The following ABLIM2 variants were observed in gnomAD, a reference collection of about 807,000 sequenced individuals.
ABLIM2 encodes the protein actin-binding LIM protein 2.
Under a neutral mutation model 97.7 loss-of-function variants are expected in ABLIM2, and 53 were observed. The ratio of observed to expected loss-of-function variants is 0.54; its 90% CI spans 0.44 to 0.68. The LOEUF is 0.68. Among genes scored for constraint, ABLIM2 ranks in the 30% least tolerant of loss-of-function variants. The pLI is 0.00. For synonymous variants in ABLIM2, 361 were observed against 345.8 expected, an observed-to-expected ratio of 1.04 and a Z score of -0.49; for missense variants, 835 against 867.2, an observed-to-expected ratio of 0.96 and a Z score of 0.47.
rs1823203609 is a variant in ABLIM2, at chr4:8,085,819, C to G, written c.454+2350G>C. On this transcript the variant is annotated intron_variant, in intron 4 of 20. Coordinates refer to ENST00000447017, the MANE Select transcript of ABLIM2 (RefSeq NM_001130083.2). This position sits in a 1 kb window ranked among gnomAD's most constrained non-coding sequence, Gnocchi z 6.1. ...TCCAGACCCACCTGCTGGAATTCAG[C>G]CTGCGTCTCCAGTTTCAGAACCAAG... 6.6e-6 allele frequency among the ~76,000 whole-genome samples: 1 copy of G among 152,220 alleles called. No homozygotes were observed. The highest frequency in any genetic ancestry group is 1.5e-5 in the Non-Finnish European group (1 of 68,030).
chr4:8,016,571 G>A (rs1354355534), intron 14 of ABLIM2, among the ~76,000 whole-genome samples: 1 of 152,168 alleles, frequency 6.6e-6, no homozygotes, highest in Non-Finnish European at 1.5e-5. Context: ...CACTGGGTCT[G>A]CCTCCTGGGA....
chr4:8,028,096 G>C (rs1778568961), intron 11 of ABLIM2, among the ~76,000 whole-genome samples: 1 of 152,364 alleles, frequency 6.6e-6, no homozygotes. Context: ...GCCTTGGGCT[G>C]GGGTTCCCCA....
chr4:8,079,917 G>A (rs1009535376), intron 5 of ABLIM2, among the ~76,000 whole-genome samples: 10 of 152,168 alleles, frequency 6.6e-5, no homozygotes, highest in African/African-American at 2.4e-4. Context: ...CTCCCAGGAA[G>A]GGGCCCTCTG....
At chr4:7,983,111 G>C (rs993060115) in intron 20 of ABLIM2, among the ~76,000 whole-genome samples, 153 bp downstream of exon 20, 1 of 152,218 alleles carries the variant, frequency 6.6e-6, no homozygotes. Flanking sequence ...TTTGGCCTTT[G>C]AGGCAATGTG....
chr4:8,071,827 C>A lies in ABLIM2; in HGVS notation c.675+5801G>T. ...ACGGCCCTGCTTGAGTGCCGTGCTC[C>A]CTGGAACGTGTGCCTGCGAGGGTGG... On this transcript the variant is annotated intron_variant, in intron 6 of 20. Coordinates refer to ENST00000447017, the MANE Select transcript of ABLIM2 (RefSeq NM_001130083.2). The surrounding 1 kb of genome is among the most constrained non-coding windows in gnomAD (Gnocchi z 6.2). 1.0e-6 allele frequency: 1 copy of A among 985,434 alleles called. No individual in the cohort carries two copies. The highest frequency in any genetic ancestry group is 1.2e-6 in the Non-Finnish European group (1 of 829,968). The allele number at this position is 985,434 out of a possible 1,614,324, so 61.0% of individuals were successfully genotyped here.
rs958894180 is a variant in ABLIM2 at position 8,113,017 on chromosome 4, G to A, written c.11-6380C>T. ...AGGCCAAAAGGGCATAGGCAGGGGG[G>A]CAAACTCCTCTTTCTGTCCAGCGAA... On this transcript the variant is annotated intron_variant, in intron 1 of 20. Transcript: ENST00000447017. This position sits in a 1 kb window ranked among gnomAD's most constrained non-coding sequence, Gnocchi z 4.5. 6.6e-6 allele frequency among the ~76,000 whole-genome samples: 1 copy of A among 152,232 alleles called. No homozygotes were observed. Among genetic ancestry groups the A allele is most frequent in the African/African-American group, 2.4e-5 (1 of 41,466 alleles).
chr4:8,133,434 C>A lies in ABLIM2; in HGVS notation c.10+25246G>T, dbSNP rs1849713111. Among the ~76,000 whole-genome samples, 7 of 152,354 alleles carry A rather than the reference C, an allele frequency of 4.6e-5. No homozygotes were observed. The South Asian group carries it at 1.4e-3, about 32-fold the overall frequency. On this transcript the variant is annotated intron_variant, in intron 1 of 20. Coordinates refer to ENST00000447017, the MANE Select transcript of ABLIM2 (RefSeq NM_001130083.2). ...GTATCTCTTCTCCTGCTCCCTCCTG[C>A]CTGCCGGTCCATATCTCTCCTGGTA... is the stretch of plus-strand genomic sequence containing the variant.
chr4:7,988,822 T>C (rs997123959), intron 17 of ABLIM2, among the ~76,000 whole-genome samples: 1 of 152,182 alleles, frequency 6.6e-6, no homozygotes, highest in African/African-American at 2.4e-5. Context: ...GAGCTGGGAT[T>C]TGAACTCAGG....
At position 8,032,615 on chromosome 4, in the gene ABLIM2, G is replaced by A; in HGVS notation, c.1048-2839C>T. On this transcript the variant is annotated intron_variant, in intron 10 of 20. Coordinates refer to ENST00000447017, the MANE Select transcript of ABLIM2 (RefSeq NM_001130083.2). The surrounding 1 kb of genome is among the most constrained non-coding windows in gnomAD (Gnocchi z 4.3). ...TTATAACCCAGGCAGCAGCGCCACG[G>A]CAAGCGGGGACAGGCGAGAGGGTGG... 1 of 1,612,112 alleles carries A rather than the reference G, an allele frequency of 6.2e-7. No homozygotes were observed. The highest frequency in any genetic ancestry group is 8.5e-7 in the Non-Finnish European group (1 of 1,179,688).
intron 16 of ABLIM2, among the ~76,000 whole-genome samples, chr4:7,997,299 T>A (rs112387390): frequency 6.6e-6 from 1 of 152,190 alleles, no homozygotes; most frequent in South Asian, 2.1e-4. Flanking sequence ...CTTGATCTCT[T>A]GATCTCGTGA....
At chr4:8,036,115 C>T (rs748981275) in intron 10 of ABLIM2, 34 bp downstream of exon 10, 2 of 1,609,182 alleles carry the variant, frequency 1.2e-6, no homozygotes, top group Non-Finnish European at 8.5e-7. Context: ...CTTGGGGACA[C>T]AGGTGTCCAG....
chr4:8,144,890 T>A (rs1253298962), intron 1 of ABLIM2, among the ~76,000 whole-genome samples: 1 of 152,240 alleles, frequency 6.6e-6, no homozygotes, highest in East Asian at 1.9e-4. Flanking sequence ...GGCGCAGAAC[T>A]CTTTGTTCCC....
At chr4:8,111,819 G>A (rs1840465799) in intron 1 of ABLIM2, among the ~76,000 whole-genome samples, 1 of 150,846 alleles carries the variant, frequency 6.6e-6, no homozygotes, top group African/African-American at 2.4e-5. Flanking sequence ...CCAGCTACTC[G>A]AGAGGCTGAG....
At chr4:8,104,808 A>G (rs1371495581) in intron 2 of ABLIM2, among the ~76,000 whole-genome samples, 2 of 152,180 alleles carry the variant, frequency 1.3e-5, no homozygotes, top group Non-Finnish European at 2.9e-5. Flanking sequence ...TTAGCAGCAG[A>G]AGACTCTAGA....
intron 14 of ABLIM2, chr4:8,010,818 C>T (rs74653659): frequency 0.011 from 1,728 of 155,758 alleles, 32 homozygotes; most frequent in African/African-American, 0.039. Flanking sequence ...AGACAACAGC[C>T]GTCACCCGGC....
chr4:7,979,927 G>A (rs1027450196), intron 20 of ABLIM2, among the ~76,000 whole-genome samples: 34 of 152,270 alleles, frequency 2.2e-4, no homozygotes, highest in African/African-American at 6.7e-4. Flanking sequence ...TCTCTTCCCC[G>A]CAGATTTAGA....
At chr4:8,091,544 AATATTTATAATTAT>A (rs1828110214) in intron 3 of ABLIM2, among the ~76,000 whole-genome samples, 1 of 26,744 alleles carries the variant, frequency 3.7e-5, no homozygotes, top group African/African-American at 3.2e-4. Context: ...AATTATATAT[AATATTTATAATTAT>A]ATATATTATA....
rs1171668193 is a variant in ABLIM2, at chr4:7,992,148, C to A, written c.1680+718G>T. ...CCACCCTAAGGATCCTCACTGGGGA[C>A]CCCTGTGACGCTGTGGGCAGAGGAA... On this transcript the variant is annotated intron_variant, in intron 17 of 20. Transcript: ENST00000447017. The surrounding 1 kb of genome is among the most constrained non-coding windows in gnomAD (Gnocchi z 5.7). Among the ~76,000 whole-genome samples, 4 of 151,900 alleles carry A rather than the reference C, an allele frequency of 2.6e-5. No individual in the cohort carries two copies. The highest frequency in any genetic ancestry group is 6.6e-5 in the Admixed American group (1 of 15,242).
intron 10 of ABLIM2, among the ~76,000 whole-genome samples, chr4:8,030,750 C>T (rs567850343): frequency 8.5e-5 from 13 of 152,374 alleles, no homozygotes; most frequent in African/African-American, 1.4e-4. Context: ...CCCTGTCCAC[C>T]TTACAGGTGT....
Sources: gnomAD v4.1 joint callset for allele counts (sites outside exome capture counted in the v4.1 genomes callset) on GRCh38, gnomAD v4.1.1 for gene constraint, Gnocchi (gnomAD v3.1) non-coding constraint, MANE v1.5 for transcripts, NCBI Gene and HGNC (gene_info 2026-07-23, HGNC 2026-07-21) for gene names.